The following IGF1R variants were observed in gnomAD, a reference collection of about 807,000 sequenced individuals.
IGF1R encodes insulin like growth factor 1 receptor.
In IGF1R, 44 loss-of-function variants were observed where a neutral mutation model predicts 144.6. That is an observed-to-expected ratio of 0.30 (90% confidence interval 0.24 to 0.39). The LOEUF is 0.39. IGF1R is among the 10% of genes least tolerant of loss of function. The pLI is 1.00. For missense variants in IGF1R, 1,355 were observed against 1,833.7 expected (o/e 0.74, Z 4.77); for synonymous variants, 795 against 722.8 (o/e 1.10, Z -1.60).
At position 98,899,571 on chromosome 15, in the gene IGF1R, G is replaced by T; in HGVS notation, c.1197G>T (p.Leu399Phe). The T allele has an allele frequency of 6.2e-7, 1 of 1,614,146 alleles. No homozygotes were observed. The highest frequency in any genetic ancestry group is 8.5e-7 in the Non-Finnish European group (1 of 1,180,014). ...GCCATTCTCATGCCTTGGTCTCCTTGTCCTTCCTAAAAAACCTTCGCCTCA... is the reference window on the plus strand; with the variant it reads ...GCCATTCTCATGCCTTGGTCTCCTTTTCCTTCCTAAAAAACCTTCGCCTCA... ...KIRHSHALVS[L>F]SFLKNLRLIL... The change falls in exon 5 of 21, where the codon TTG becomes TTT. Residue 399 changes from leucine to phenylalanine, a missense_variant. Transcript: ENST00000650285.
intron 17 of IGF1R, among the ~76,000 whole-genome samples, chr15:98,938,187 ATCT>A (rs2016230101): frequency 6.6e-6 from 1 of 152,230 alleles, no homozygotes; most frequent in Non-Finnish European, 1.5e-5. Context: ...GCCCCAGGTC[ATCT>A]TCTCGTCAGT....
rs1291345323 is a variant in IGF1R at position 98,939,453 on chromosome 15, A to G, written c.3457+93A>G. On this transcript the variant is annotated intron_variant, in intron 18 of 20. Transcript: ENST00000650285. ...TAGTCTGCCCCTGGAGAGGTTTTCT[A>G]GTGTGTCCCTTGAGTGCACGGACTC... 2.5e-6 allele frequency: 3 copies of G among 1,212,844 alleles called. No individual in the cohort carries two copies. The African/African-American group carries it at 4.5e-5, about 18-fold the overall frequency. 75.1% of individuals were successfully genotyped at this position (1,212,844 alleles called of 1,614,324 possible). A position where few individuals can be genotyped will look rare whatever the true frequency, so the allele number is the denominator to read the frequency against.
chr15:98,808,641 C>T (rs1000330875), intron 2 of IGF1R, among the ~76,000 whole-genome samples: 7 of 150,736 alleles, frequency 4.6e-5, no homozygotes, highest in East Asian at 1.9e-4. Context: ...CCTAGGTCCT[C>T]GCAGGGACTC....
intron 2 of IGF1R, among the ~76,000 whole-genome samples, chr15:98,827,982 C>T (rs1413953915): frequency 6.6e-6 from 1 of 152,182 alleles, no homozygotes; most frequent in Non-Finnish European, 1.5e-5. Flanking sequence ...GCTGATTAAT[C>T]AGTCAGATAG....
Position 98,774,653 on chromosome 15 carries a change from T to C in IGF1R, c.640+66546T>C, listed in dbSNP as rs1245307467. On this transcript the variant is annotated intron_variant, in intron 2 of 20. Transcript: ENST00000650285. The stretch of plus-strand genomic sequence containing the variant: ...GATGAGGTTCCCTGGAGTAGTCGCA[T>C]TCAGAGACAGAAAACAGAATGATGG... 4.2e-5 allele frequency among the ~76,000 whole-genome samples: 6 copies of C among 143,066 alleles called. No homozygotes were observed. The East Asian group carries it at 1.3e-3, about 30-fold the overall frequency. The allele number at this position is 143,066 out of a possible 152,430, so 93.9% of individuals were successfully genotyped here. A position where few individuals can be genotyped will look rare whatever the true frequency, so the allele number is the denominator to read the frequency against.
At chr15:98,731,598 G>A (rs1278355462) in intron 2 of IGF1R, among the ~76,000 whole-genome samples, 2 of 152,190 alleles carry the variant, frequency 1.3e-5, no homozygotes, top group Non-Finnish European at 2.9e-5. Context: ...TTCTAGGGAG[G>A]GGTGGGTGTT....
At chr15:98,659,239 A>ATT (rs150761944) in intron 1 of IGF1R, among the ~76,000 whole-genome samples, 8 of 150,454 alleles carry the variant, frequency 5.3e-5, no homozygotes, top group South Asian at 4.2e-4. Context: ...AACAGTTGTG[A>ATT]TTTTTTTTTT....
intron 2 of IGF1R, among the ~76,000 whole-genome samples, chr15:98,884,576 C>A: frequency 6.6e-6 from 1 of 151,544 alleles, no homozygotes; most frequent in Non-Finnish European, 1.5e-5. Context: ...CGCCTGTAGT[C>A]CCAGCTACAG....
At position 98,707,193 on chromosome 15, in the gene IGF1R, G is replaced by C. The variant is rs774075123; in HGVS notation, c.95-369G>C. Among the ~76,000 whole-genome samples, 1 of 152,216 alleles carries C rather than the reference G, an allele frequency of 6.6e-6. No individual in the cohort carries two copies. The highest frequency in any genetic ancestry group is 2.4e-5 in the African/African-American group (1 of 41,462). On this transcript the variant is annotated intron_variant, in intron 1 of 20. Transcript: ENST00000650285. The surrounding 1 kb of genome is among the most constrained non-coding windows in gnomAD (Gnocchi z 6.7). ...AGGCCTTGGCAACTGACGCTCTGCA[G>C]AACGGACCAGGAGTGTGCGGTGGTG...
intron 10 of IGF1R, among the ~76,000 whole-genome samples, chr15:98,920,700 C>T (rs568197323): frequency 1.3e-5 from 2 of 152,282 alleles, no homozygotes; most frequent in South Asian, 4.1e-4. Context: ...ATTGTGAAAG[C>T]AAATGTACAC....
chr15:98,826,328 G>A (rs1483683219), intron 2 of IGF1R, among the ~76,000 whole-genome samples: 3 of 152,128 alleles, frequency 2.0e-5, no homozygotes, highest in African/African-American at 7.2e-5. Flanking sequence ...TATATAAGCT[G>A]TATTTTTCTT....
rs979320041 is a variant in IGF1R at position 98,936,090 on chromosome 15, C to A, written c.3297+664C>A. On this transcript the variant is annotated intron_variant, in intron 17 of 20. Transcript: ENST00000650285. ...CATAAACCCCCTCCCCACACACAGTCCCCTTCCCCGGCATTGTTGGCGGTC... is the reference window on the plus strand; with the variant it reads ...CATAAACCCCCTCCCCACACACAGTACCCTTCCCCGGCATTGTTGGCGGTC... 3.9e-5 allele frequency among the ~76,000 whole-genome samples: 6 copies of A among 152,214 alleles called. No homozygotes were observed. In the South Asian group the frequency reaches 1.0e-3, roughly 26 times the overall value.
intron 2 of IGF1R, among the ~76,000 whole-genome samples, chr15:98,831,893 C>T (rs1174058114): frequency 6.6e-6 from 1 of 151,846 alleles, no homozygotes; most frequent in African/African-American, 2.4e-5. Context: ...CAATTGCAGG[C>T]CGTAGTGTTC....
Position 98,844,469 on chromosome 15 carries a change from G to A in IGF1R, c.641-46856G>A, listed in dbSNP as rs896063080. Among the ~76,000 whole-genome samples, 17 of 152,074 alleles carry A rather than the reference G, an allele frequency of 1.1e-4. No individual in the cohort carries two copies. In the East Asian group the frequency reaches 2.9e-3, roughly 26 times the overall value. On this transcript the variant is annotated intron_variant, in intron 2 of 20. Coordinates refer to ENST00000650285, the MANE Select transcript of IGF1R (RefSeq NM_000875.5). ...AACTATTTACGGTTTGGGGTAGGGG[G>A]CGTGTCATGCCATACAGCTAAATAC...
Position 98,707,486 on chromosome 15 carries a change from C to A in IGF1R, c.95-76C>A, listed in dbSNP as rs2053893640. 2 of 1,385,800 alleles carry A rather than the reference C, an allele frequency of 1.4e-6. No homozygotes were observed. Among genetic ancestry groups the A allele is most frequent in the Non-Finnish European group, 1.0e-6 (1 of 992,304 alleles). 85.8% of individuals were successfully genotyped at this position (1,385,800 alleles called of 1,614,324 possible). A position where few individuals can be genotyped will look rare whatever the true frequency, so the allele number is the denominator to read the frequency against. On this transcript the variant is annotated intron_variant, in intron 1 of 20. Coordinates refer to ENST00000650285, the MANE Select transcript of IGF1R (RefSeq NM_000875.5). The surrounding 1 kb of genome is among the most constrained non-coding windows in gnomAD (Gnocchi z 6.7). The stretch of plus-strand genomic sequence containing the variant: ...ATAATACAGGATTCCTGAAAACCAA[C>A]TGTATTATTGTTTGGAAAATAGTTT...
intron 2 of IGF1R, among the ~76,000 whole-genome samples, chr15:98,814,192 C>G (rs1259880847): frequency 1.3e-5 from 2 of 152,136 alleles, no homozygotes; most frequent in African/African-American, 4.8e-5. Flanking sequence ...GATCCTGTTG[C>G]AAAACCAAGA....
At chr15:98,682,190 A>G (rs2053206664) in intron 1 of IGF1R, among the ~76,000 whole-genome samples, 1 of 152,054 alleles carries the variant, frequency 6.6e-6, no homozygotes, top group Non-Finnish European at 1.5e-5. Flanking sequence ...ATTTTGAGTA[A>G]CTTCCGTCTC....
intron 2 of IGF1R, among the ~76,000 whole-genome samples, chr15:98,776,350 A>C (rs1031976853): frequency 1.3e-5 from 2 of 151,776 alleles, no homozygotes; most frequent in African/African-American, 2.4e-5. Flanking sequence ...ATGCCGGGCT[A>C]ATTTTTTGTA....
chr15:98,888,704 G>A (rs1363407680), intron 2 of IGF1R, among the ~76,000 whole-genome samples: 3 of 152,148 alleles, frequency 2.0e-5, no homozygotes, highest in Non-Finnish European at 4.4e-5. Flanking sequence ...GGACAGGAAT[G>A]GGTTTCTTCT....
Sources: gnomAD v4.1 joint callset for allele counts (sites outside exome capture counted in the v4.1 genomes callset) on GRCh38, gnomAD v4.1.1 for gene constraint, Gnocchi (gnomAD v3.1) non-coding constraint, MANE v1.5 for transcripts, NCBI Gene and HGNC (gene_info 2026-07-23, HGNC 2026-07-21) for gene names.